The following KSR2 variants were observed in gnomAD, a reference collection of about 807,000 sequenced individuals.
The protein encoded by KSR2 is kinase suppressor of ras 2.
KSR2 carries 25 observed loss-of-function variants against 107.8 expected under a neutral mutation model. The ratio of observed to expected loss-of-function variants is 0.23; its 90% CI spans 0.17 to 0.32. The LOEUF is 0.32. Among genes scored for constraint, KSR2 ranks in the 10% least tolerant of loss-of-function variants. The pLI is 1.00. For missense variants in KSR2, 887 were observed against 1,268.9 expected (o/e 0.70, Z 4.57); for synonymous variants, 480 against 507.0 (o/e 0.95, Z 0.71).
At chr12:117,744,008 T>C (rs998561937) in intron 4 of KSR2, among the ~76,000 whole-genome samples, 4 of 152,186 alleles carry the variant, frequency 2.6e-5, no homozygotes, top group African/African-American at 9.7e-5. Context: ...AGTGCTTCTG[T>C]CACTGGTCCC....
intron 7 of KSR2, among the ~76,000 whole-genome samples, chr12:117,572,374 C>T (rs1878949062): frequency 1.3e-5 from 2 of 152,268 alleles, no homozygotes; most frequent in Middle Eastern, 3.4e-3. Flanking sequence ...TGCTCAGAGC[C>T]TGGTCCAGGA....
At chr12:117,896,471 T>C (rs1411289544) in intron 1 of KSR2, among the ~76,000 whole-genome samples, 1 of 151,770 alleles carries the variant, frequency 6.6e-6, no homozygotes, top group Admixed American at 6.6e-5. Context: ...TTTTTTTTTT[T>C]TTTTTGAGAC....
intron 1 of KSR2, among the ~76,000 whole-genome samples, chr12:117,875,415 G>A (rs1893809044): frequency 6.6e-6 from 1 of 151,394 alleles, no homozygotes; most frequent in Admixed American, 6.6e-5. Context: ...GGCCTTCTAG[G>A]GACCAGGCCC....
At chr12:117,640,709 G>C (rs777488347) in intron 5 of KSR2, among the ~76,000 whole-genome samples, 2 of 152,096 alleles carry the variant, frequency 1.3e-5, no homozygotes, top group Non-Finnish European at 2.9e-5. Context: ...CTGGGCCCCC[G>C]TGGACAGCAC....
chr12:117,864,870 T>C (rs1265144165), intron 1 of KSR2, among the ~76,000 whole-genome samples: 1 of 152,154 alleles, frequency 6.6e-6, no homozygotes, highest in Non-Finnish European at 1.5e-5. Flanking sequence ...TAAGGTCATA[T>C]TCTGAGACAT....
rs1408550280 is a variant in KSR2 at position 117,742,874 on chromosome 12, T to C, written c.986+18137A>G. Among the ~76,000 whole-genome samples the C allele has an allele frequency of 2.0e-5, 3 of 152,324 alleles. No individual in the cohort carries two copies. The East Asian group carries it at 5.8e-4, about 29-fold the overall frequency. ...ACCACCCTCTCTGCAAGAATAGTTATGTCATGAAGAAATCCACATATCATT... is the reference window on the plus strand; with the variant it reads ...ACCACCCTCTCTGCAAGAATAGTTACGTCATGAAGAAATCCACATATCATT... On this transcript the variant is annotated intron_variant, in intron 4 of 19. Transcript: ENST00000339824.
At chr12:117,809,404 C>G (rs1022505795) in intron 3 of KSR2, among the ~76,000 whole-genome samples, 2 of 152,170 alleles carry the variant, frequency 1.3e-5, no homozygotes, top group Admixed American at 1.3e-4. Flanking sequence ...AGCACCCCCA[C>G]CCCCTTCCCC....
At chr12:117,758,339 T>C (rs1888870111) in intron 4 of KSR2, among the ~76,000 whole-genome samples, 1 of 152,162 alleles carries the variant, frequency 6.6e-6, no homozygotes, top group Non-Finnish European at 1.5e-5. Context: ...GTTGCTGTTA[T>C]TTATGTTTTA....
At chr12:117,591,663 C>T (rs1880326540) in intron 5 of KSR2, among the ~76,000 whole-genome samples, 1 of 151,496 alleles carries the variant, frequency 6.6e-6, no homozygotes. Flanking sequence ...GGAAAGTTGT[C>T]ACCATCACTC....
At chr12:117,755,853 C>T (rs1006331823) in intron 4 of KSR2, among the ~76,000 whole-genome samples, 2 of 152,170 alleles carry the variant, frequency 1.3e-5, no homozygotes, top group Admixed American at 6.5e-5. Context: ...GTGCTATTCC[C>T]GTGAGCACAT....
chr12:117,608,179 C>T (rs1186299240), intron 5 of KSR2, among the ~76,000 whole-genome samples: 1 of 152,214 alleles, frequency 6.6e-6, no homozygotes, highest in Non-Finnish European at 1.5e-5. Context: ...TTCATCTGTA[C>T]AGCAGAGCCA....
chr12:117,615,897 G>A (rs1003179984), intron 5 of KSR2, among the ~76,000 whole-genome samples: 2 of 152,092 alleles, frequency 1.3e-5, no homozygotes, highest in East Asian at 3.9e-4. Flanking sequence ...ATTTTAAACA[G>A]ATCCCAGCAC....
In KSR2 at chr12:117,827,034, C is replaced by CAAA. The variant is rs58583797; in HGVS notation, c.472+28391_472+28393dup. On this transcript the variant is annotated intron_variant, in intron 3 of 19. Coordinates refer to ENST00000339824, the MANE Select transcript of KSR2 (RefSeq NM_173598.6). Reference sequence around the variant, plus strand: ...TGGCCGACACAGTGAGACCCTGTCTCAAAAAAAAAAAAAAAAAAGGCATAA... The same window carrying CAAA: ...TGGCCGACACAGTGAGACCCTGTCTCAAAAAAAAAAAAAAAAAAAAAGGCATAA... 6.8e-3 allele frequency among the ~76,000 whole-genome samples: 700 copies of CAAA among 103,516 alleles called. 16 individuals are homozygous for CAAA. Among genetic ancestry groups the CAAA allele is most frequent in the African/African-American group, 0.023 (621 of 26,924 alleles). The allele number at this position is 103,516 out of a possible 152,430, so 67.9% of individuals were successfully genotyped here.
At chr12:117,652,228 T>C (rs1023502871) in intron 5 of KSR2, among the ~76,000 whole-genome samples, 9 of 152,102 alleles carry the variant, frequency 5.9e-5, no homozygotes, top group Admixed American at 1.3e-4. Context: ...TCGGGTGATA[T>C]GTGCATCAAA....
chr12:117,556,937 T>TG (rs2137343092), intron 8 of KSR2, among the ~76,000 whole-genome samples: 2 of 152,202 alleles, frequency 1.3e-5, no homozygotes, highest in East Asian at 3.9e-4. Context: ...GAGGCAGAGG[T>TG]GGGTGGATCA....
chr12:117,839,985 C>T (rs1165945345), intron 3 of KSR2, among the ~76,000 whole-genome samples: 1 of 152,154 alleles, frequency 6.6e-6, no homozygotes, highest in Non-Finnish European at 1.5e-5. Context: ...ACAGAAAATG[C>T]AGAAGGGCAA....
At chr12:117,960,542 C>G (rs1476276252) in intron 1 of KSR2, among the ~76,000 whole-genome samples, 1 of 152,138 alleles carries the variant, frequency 6.6e-6, no homozygotes, top group Non-Finnish European at 1.5e-5. Context: ...CAACCACCAG[C>G]CATGTGAGCA....
intron 1 of KSR2, among the ~76,000 whole-genome samples, chr12:117,891,838 A>T (rs1283319085): frequency 6.6e-6 from 1 of 151,916 alleles, no homozygotes; most frequent in African/African-American, 2.4e-5. Context: ...ACAAAACAAA[A>T]CATAACAAAA....
In KSR2 at chr12:117,968,029, CTTTTTTTTTTT is replaced by C. The variant is rs34834989; in HGVS notation, c.180+36_180+46del. ...AGAAAGGAGGGGGAAAGAAGGATTG[CTTTTTTTTTTT>C]TTTTTTTTTTTTTTTTTCCCGTAGG... On this transcript the variant is annotated intron_variant, in intron 1 of 19. Transcript: ENST00000339824. 8.0e-3 allele frequency: 5,387 copies of C among 676,050 alleles called. 16 individuals are homozygous for C. The highest frequency in any genetic ancestry group is 7.8e-3 in the Middle Eastern group (17 of 2,184). The allele number at this position is 676,050 out of a possible 1,614,324, so 41.9% of individuals were successfully genotyped here. A position where few individuals can be genotyped will look rare whatever the true frequency, so the allele number is the denominator to read the frequency against.
Sources: gnomAD v4.1 joint callset for allele counts (sites outside exome capture counted in the v4.1 genomes callset) on GRCh38, gnomAD v4.1.1 for gene constraint, MANE v1.5 for transcripts, NCBI Gene and HGNC (gene_info 2026-07-23, HGNC 2026-07-21) for gene names.